Variants in DUSP13B observed in about 807,000 individuals in gnomAD.
The protein encoded by DUSP13B is dual specificity phosphatase 13B, also known as dual specificity protein phosphatase 13B.
chr10:75,097,810 C>T, the DUSP13B span: 39 of 1,613,654 alleles, frequency 2.4e-5, 1 homozygote, highest in Admixed American at 3.3e-5. Context: ...CCAATGTGGG[C>T]GGCTGGTAGG....
chr10:75,107,243 G>T, the DUSP13B span, among the ~76,000 whole-genome samples: 2 of 151,744 alleles, frequency 1.3e-5, no homozygotes, highest in African/African-American at 4.8e-5. Context: ...GCTGAGACAC[G>T]AAAATTGCTT....
chr10:75,105,629 A>G, the DUSP13B span: 6 of 1,540,924 alleles, frequency 3.9e-6, 1 homozygote, highest in South Asian at 1.2e-5. Context: ...CTTCCGGCCA[A>G]CCACATCCAG....
At chr10:75,098,415 G>C in the DUSP13B span, among the ~76,000 whole-genome samples, 1 of 152,182 alleles carries the variant, frequency 6.6e-6, no homozygotes, top group Admixed American at 6.5e-5. Context: ...CCAGGACTGT[G>C]AACTGGTATT....
At chr10:75,105,234 T>G in the DUSP13B span, among the ~76,000 whole-genome samples, 1 of 151,994 alleles carries the variant, frequency 6.6e-6, no homozygotes, top group East Asian at 1.9e-4. Context: ...TTCAGGAGGG[T>G]CCAGGCTGGC....
chr10:75,108,952 C>CCAAG, the DUSP13B span: 1 of 1,543,690 alleles, frequency 6.5e-7, no homozygotes, highest in Non-Finnish European at 8.8e-7. Flanking sequence ...GGTAAAGCGA[C>CCAAG]CAAGAACTGC....
At chr10:75,097,860 G>A in the DUSP13B span, 6 of 1,610,504 alleles carry the variant, frequency 3.7e-6, no homozygotes, top group Non-Finnish European at 4.2e-6. Context: ...GGCCTCCGGA[G>A]GTCCTGCTTC....
At chr10:75,099,759 G>C in the DUSP13B span, 1 of 232,700 alleles carries the variant, frequency 4.3e-6, no homozygotes, top group Non-Finnish European at 8.2e-6. Context: ...GCAGGGAGGA[G>C]AGCCTGGCTC....
At chr10:75,102,008 C>T in the DUSP13B span, 71 of 1,306,730 alleles carry the variant, frequency 5.4e-5, no homozygotes, top group African/African-American at 2.6e-4. Flanking sequence ...GTCTACTCCC[C>T]TCTTCCAGCC....
the DUSP13B span, among the ~76,000 whole-genome samples, chr10:75,107,121 A>G: frequency 1.3e-5 from 2 of 152,286 alleles, no homozygotes; most frequent in Admixed American, 6.5e-5. Context: ...AGATCACTTG[A>G]GGTTAGGAGT....
At chr10:75,097,937 A>G in the DUSP13B span, 1 of 1,484,712 alleles carries the variant, frequency 6.7e-7, no homozygotes, top group Non-Finnish European at 9.0e-7. Flanking sequence ...CAGAGGGTGG[A>G]TCCAGCTGAT....
the DUSP13B span, among the ~76,000 whole-genome samples, chr10:75,107,787 G>C: frequency 6.6e-6 from 1 of 152,184 alleles, no homozygotes; most frequent in Admixed American, 6.5e-5. Context: ...GTGTTGGCCA[G>C]GCTGGTCTTG....
chr10:75,102,565 T>C, the DUSP13B span, among the ~76,000 whole-genome samples: 1 of 152,196 alleles, frequency 6.6e-6, no homozygotes, highest in Non-Finnish European at 1.5e-5. Flanking sequence ...CCCGACACTT[T>C]GGGAGGCTGA....
At chr10:75,095,790 G>A in the DUSP13B span, 2 of 1,613,968 alleles carry the variant, frequency 1.2e-6, no homozygotes, top group Non-Finnish European at 1.7e-6. Flanking sequence ...GTCCCGGGCT[G>A]CGTACCTGGA....
the DUSP13B span, among the ~76,000 whole-genome samples, chr10:75,103,056 T>C: frequency 6.6e-6 from 1 of 152,174 alleles, no homozygotes; most frequent in Non-Finnish European, 1.5e-5. Context: ...AAGGCTGCAG[T>C]GAGCCCTAAT....
the DUSP13B span, among the ~76,000 whole-genome samples, chr10:75,095,150 G>A: frequency 6.6e-6 from 1 of 152,170 alleles, no homozygotes; most frequent in Admixed American, 6.5e-5. Context: ...AGGGGAAGGG[G>A]GTTTACTGAA....
the DUSP13B span, chr10:75,103,796 C>A: frequency 1.0e-6 from 1 of 965,196 alleles, no homozygotes. Context: ...ATATCTGGAA[C>A]CCCCTTCCTC....
chr10:75,102,519 G>T, the DUSP13B span, among the ~76,000 whole-genome samples: 5 of 152,202 alleles, frequency 3.3e-5, no homozygotes, highest in Non-Finnish European at 7.3e-5. Flanking sequence ...ATTTTAAAAG[G>T]TCCCTTGGCC....
chr10:75,100,299 C>T, the DUSP13B span, among the ~76,000 whole-genome samples: 2 of 152,110 alleles, frequency 1.3e-5, no homozygotes, highest in Non-Finnish European at 2.9e-5. Context: ...CTGGACTTAG[C>T]GCTATGCCTG....
chr10:75,102,939 C>T, the DUSP13B span, among the ~76,000 whole-genome samples: 39,521 of 151,916 alleles, frequency 0.26, 5,678 homozygotes, highest in East Asian at 0.61. Context: ...GCAACAAGAA[C>T]GAAACTCCGT....
Sources: allele counts gnomAD v4.1 joint callset (sites outside exome capture counted in the v4.1 genomes callset), GRCh38; gene constraint gnomAD v4.1.1; transcripts MANE v1.5; gene names NCBI Gene and HGNC (gene_info 2026-07-23, HGNC 2026-07-21).